The following SLC38A11 variants were observed in gnomAD, a reference collection of about 807,000 sequenced individuals.
SLC38A11 encodes putative sodium-coupled neutral amino acid transporter 11.
In SLC38A11, 51 loss-of-function variants were observed where a neutral mutation model predicts 49.4. The ratio of observed to expected loss-of-function variants is 1.03; its 90% CI spans 0.83 to 1.30. The LOEUF is 1.30. Ranked by LOEUF, SLC38A11 falls within the 50% of genes most tolerant of loss-of-function variation. The pLI is 0.00. For synonymous variants in SLC38A11, 203 were observed against 192.9 expected (o/e 1.05, Z -0.43); for missense variants, 574 against 556.2 (o/e 1.03, Z -0.32).
At chr2:164,933,277 C>G (rs2105490125) in intron 7 of SLC38A11, among the ~76,000 whole-genome samples, 1 of 151,688 alleles carries the variant, frequency 6.6e-6, no homozygotes. Flanking sequence ...GCCTCTGATT[C>G]TAGTTAGAAA....
At chr2:164,935,440 C>T (rs1444937198) in intron 7 of SLC38A11, among the ~76,000 whole-genome samples, 1 of 146,144 alleles carries the variant, frequency 6.8e-6, no homozygotes, top group Non-Finnish European at 1.5e-5. Flanking sequence ...GGGTCTGAGG[C>T]AGGAGGATTG....
chr2:164,907,715 G>C (rs1379458546), intron 11 of SLC38A11, among the ~76,000 whole-genome samples: 1 of 152,114 alleles, frequency 6.6e-6, no homozygotes, highest in Non-Finnish European at 1.5e-5. Flanking sequence ...TGTGAATAAA[G>C]GAATTAGAAG....
chr2:164,940,959 T>C (rs1321344169), intron 5 of SLC38A11, among the ~76,000 whole-genome samples: 3 of 152,044 alleles, frequency 2.0e-5, no homozygotes, highest in Non-Finnish European at 4.4e-5. Flanking sequence ...AACCAAATTA[T>C]TTGTGTATCT....
chr2:164,925,947 A>G (rs1365791536), intron 7 of SLC38A11, among the ~76,000 whole-genome samples: 1 of 152,190 alleles, frequency 6.6e-6, no homozygotes, highest in Non-Finnish European at 1.5e-5. Context: ...AAACTTTGGT[A>G]TCACCCTAGG....
chr2:164,901,120 A>G (rs773267604), intron 11 of SLC38A11, among the ~76,000 whole-genome samples: 1 of 151,550 alleles, frequency 6.6e-6, no homozygotes, highest in Non-Finnish European at 1.5e-5. Context: ...ATATGTTTGG[A>G]TTTATTTCTT....
At chr2:164,929,650 A>T (rs1686851216) in intron 7 of SLC38A11, among the ~76,000 whole-genome samples, 1 of 152,158 alleles carries the variant, frequency 6.6e-6, no homozygotes, top group Non-Finnish European at 1.5e-5. Context: ...TGAGCTCTTA[A>T]ATCCAAGCAT....
chr2:164,933,749 A>G (rs1318253608), intron 7 of SLC38A11, among the ~76,000 whole-genome samples: 3 of 152,122 alleles, frequency 2.0e-5, no homozygotes, highest in Non-Finnish European at 2.9e-5. Context: ...ACAAGCATTC[A>G]TCGCTGTCAT....
rs899744831 is a variant in SLC38A11, at chr2:164,897,439, G to A, written c.*998C>T. 1 of 152,310 alleles carries A rather than the reference G, an allele frequency of 6.6e-6. No homozygotes were observed. Among genetic ancestry groups the A allele is most frequent in the Non-Finnish European group, 1.5e-5 (1 of 68,164 alleles). The allele number at this position is 152,310 out of a possible 1,614,324, so 9.4% of individuals were successfully genotyped here. A position where few individuals can be genotyped will look rare whatever the true frequency, so the allele number is the denominator to read the frequency against. ...CCAGCTTCCCTGTGGATTTGGCTGA[G>A]GTCAGCCTGCACTGCAGTTCTACCT... On this transcript the variant is annotated 3_prime_UTR_variant, in exon 12 of 12. Transcript: ENST00000685975.
In SLC38A11 at chr2:164,914,485, G is replaced by A. The variant is rs148858458; in HGVS notation, c.850+627C>T. Among the ~76,000 whole-genome samples the A allele has an allele frequency of 1.7e-3, 252 of 152,052 alleles. 3 individuals are homozygous for A. Among genetic ancestry groups the A allele is most frequent in the African/African-American group, 5.7e-3 (235 of 41,498 alleles). ...AAATATAGAACAACTGAGTAGAAAC[G>A]TCCTACAGGCAGCAGGTTGGAGACA... On this transcript the variant is annotated intron_variant, in intron 9 of 11. Coordinates refer to ENST00000685975, the MANE Select transcript of SLC38A11 (RefSeq NM_001351537.2).
chr2:164,897,290 G>C lies in SLC38A11; in HGVS notation c.*1147C>G, dbSNP rs1684394310. 6.6e-6 allele frequency: 1 copy of C among 152,166 alleles called. No homozygotes were observed. The highest frequency in any genetic ancestry group is 1.5e-5 in the Non-Finnish European group (1 of 68,072). The allele number at this position is 152,166 out of a possible 1,614,324, so 9.4% of individuals were successfully genotyped here. A position where few individuals can be genotyped will look rare whatever the true frequency, so the allele number is the denominator to read the frequency against. On this transcript the variant is annotated 3_prime_UTR_variant, in exon 12 of 12. Coordinates refer to ENST00000685975, the MANE Select transcript of SLC38A11 (RefSeq NM_001351537.2). ...CCTTTAGGGTTTGCTCTGCTGCAAA[G>C]AGCTGCCTAGCCCAAGAACTCATCC...
chr2:164,902,184 A>T (rs1363260448), intron 11 of SLC38A11, among the ~76,000 whole-genome samples: 1 of 151,698 alleles, frequency 6.6e-6, no homozygotes, highest in African/African-American at 2.4e-5. Flanking sequence ...ACATGCTACC[A>T]TGTCTGGGTA....
chr2:164,916,406 A>C lies in SLC38A11; in HGVS notation c.618-433T>G, dbSNP rs542421304. ...CCTACCCAAGAAAAATTTAGTCAGC[A>C]CTAAAATTTATTGAGAGAGGTAAAC... On this transcript the variant is annotated intron_variant, in intron 7 of 11. Coordinates refer to ENST00000685975, the MANE Select transcript of SLC38A11 (RefSeq NM_001351537.2). Among the ~76,000 whole-genome samples, 55 of 152,250 alleles carry C rather than the reference A, an allele frequency of 3.6e-4. No homozygotes were observed. The South Asian group carries it at 5.4e-3, about 15-fold the overall frequency.
chr2:164,911,162 G>GT (rs537691666), intron 10 of SLC38A11, among the ~76,000 whole-genome samples: 2 of 151,884 alleles, frequency 1.3e-5, no homozygotes, highest in Admixed American at 6.6e-5. Context: ...AGATATTTTA[G>GT]TTTTTAAAAA....
chr2:164,942,486 T>C (rs1687848226), intron 5 of SLC38A11, among the ~76,000 whole-genome samples: 1 of 150,050 alleles, frequency 6.7e-6, no homozygotes, highest in South Asian at 2.1e-4. Flanking sequence ...AGAAAAACCC[T>C]TAAGAAAAAC....
chr2:164,944,539 TA>T lies in SLC38A11; in HGVS notation c.430+29del, dbSNP rs1361932019. 4.5e-6 allele frequency: 5 copies of T among 1,099,602 alleles called. No individual in the cohort carries two copies. The East Asian group carries it at 9.0e-5, about 20-fold the overall frequency. 68.1% of individuals were successfully genotyped at this position (1,099,602 alleles called of 1,614,324 possible). ...AATAACTATATAAAATAAATATATT[TA>T]AATCCTCACAATTTTTATTTTGGCT... On this transcript the variant is annotated intron_variant, in intron 5 of 11. Coordinates refer to ENST00000685975, the MANE Select transcript of SLC38A11 (RefSeq NM_001351537.2).
At position 164,902,210 on chromosome 2, in the gene SLC38A11, G is replaced by A. The variant is rs77698464; in HGVS notation, c.1096-3480C>T. Among the ~76,000 whole-genome samples, 429 of 151,844 alleles carry A rather than the reference G, an allele frequency of 2.8e-3. 4 individuals carry two copies. The highest frequency in any genetic ancestry group is 9.8e-3 in the African/African-American group (408 of 41,468). ...TGTCTGGGTAATTTTTTGCAGAGAC[G>A]AGGGATCACTATGTTGCCCCAGCTG... On this transcript the variant is annotated intron_variant, in intron 11 of 11. Coordinates refer to ENST00000685975, the MANE Select transcript of SLC38A11 (RefSeq NM_001351537.2).
chr2:164,904,553 C>T lies in SLC38A11; in HGVS notation c.1095+4087G>A, dbSNP rs188611087. On this transcript the variant is annotated intron_variant, in intron 11 of 11. Transcript: ENST00000685975. ...TCTGATTCATCTCATCTGTGAAGCT[C>T]ATTATTCTACTTATTCAGAAGCTAA... Among the ~76,000 whole-genome samples, 4 of 152,182 alleles carry T rather than the reference C, an allele frequency of 2.6e-5. No individual in the cohort carries two copies. The East Asian group carries it at 7.7e-4, about 29-fold the overall frequency.
rs1344526871 is a variant in SLC38A11 at position 164,898,471 on chromosome 2, T to A, written c.1355A>T (p.Gln452Leu). ...TSESHVQQTT[Q>L]LSTLNISIFQ The stretch of plus-strand genomic sequence containing the variant: ...GATACTAATATTTAAAGTAGAAAGT[T>A]GTGTTGTCTGCTGAACATGAGACTC... The change falls in exon 12 of 12, where the codon CAA (glutamine) becomes CTA (leucine). Residue 452 changes from glutamine to leucine, a missense_variant. Physicochemically the swap from Gln to Leu is moderately radical, Grantham distance 113. Coordinates refer to ENST00000685975, the MANE Select transcript of SLC38A11 (RefSeq NM_001351537.2). The A allele has an allele frequency of 1.9e-5, 30 of 1,612,944 alleles. No homozygotes were observed. Among genetic ancestry groups the A allele is most frequent in the Non-Finnish European group, 2.5e-5 (29 of 1,179,268 alleles).
chr2:164,928,876 C>A (rs1686783879), intron 7 of SLC38A11, among the ~76,000 whole-genome samples: 1 of 152,078 alleles, frequency 6.6e-6, no homozygotes, highest in Non-Finnish European at 1.5e-5. Context: ...TTCAAAAGGA[C>A]AAAGTATCTT....
Sources: gnomAD v4.1 joint callset for allele counts (sites outside exome capture counted in the v4.1 genomes callset) on GRCh38, gnomAD v4.1.1 for gene constraint, MANE v1.5 for transcripts, NCBI Gene and HGNC (gene_info 2026-07-23, HGNC 2026-07-21) for gene names.